The following NAT10 variants were observed in gnomAD, a reference collection of about 807,000 sequenced individuals.
The protein encoded by NAT10 is N-acetyltransferase 10.
In NAT10, 109 loss-of-function variants were observed where a neutral mutation model predicts 132.2. The observed-to-expected ratio is 0.82, with a 90% CI of 0.71 to 0.97. NAT10 has a LOEUF of 0.97. Ranked by LOEUF, NAT10 falls within the 50% of genes least tolerant of loss-of-function variation. The pLI, the probability that NAT10 is intolerant of heterozygous loss-of-function variation, is 0.00. For synonymous variants in NAT10, 479 were observed against 478.0 expected (o/e 1.00, Z -0.03); for missense variants, 1,184 against 1,263.4 (o/e 0.94, Z 0.95).
intron 6 of NAT10, 117 bp from the exon 7 acceptor site, chr11:34,118,063 T>C: frequency 1.3e-6 from 1 of 772,022 alleles, no homozygotes; most frequent in African/African-American, 1.7e-5. Context: ...GGTTTTAGCT[T>C]TTTCTGGCTT....
Position 34,146,294 on chromosome 11 carries a change from A to AGGGG in NAT10, c.*102_*103insGGGG. 1 of 856,896 alleles carries AGGGG rather than the reference A, an allele frequency of 1.2e-6. No homozygotes were observed. Among genetic ancestry groups the AGGGG allele is most frequent in the South Asian group, 1.8e-5 (1 of 54,440 alleles). The allele number at this position is 856,896 out of a possible 1,614,324, so 53.1% of individuals were successfully genotyped here. ...TAAAAGCAACGAGAGGCCCCGGCAC[A>AGGGG]CCTGGAAGCTGGCCGCGAATTCGGC... On this transcript the variant is annotated 3_prime_UTR_variant, in exon 29 of 29. Coordinates refer to ENST00000257829, the MANE Select transcript of NAT10 (RefSeq NM_024662.3).
At position 34,146,778 on chromosome 11, in the gene NAT10, A is replaced by C. The variant is rs1366624270; in HGVS notation, c.*586A>C. ...AAAAGCCTGATCCTGTAGTTTATGT[A>C]GAATGCCACATCTGCGTCCTCAAGA... On this transcript the variant is annotated 3_prime_UTR_variant, in exon 29 of 29. Coordinates refer to ENST00000257829, the MANE Select transcript of NAT10 (RefSeq NM_024662.3). The C allele has an allele frequency of 6.6e-6, 1 of 152,352 alleles. No homozygotes were observed. Among genetic ancestry groups the C allele is most frequent in the Non-Finnish European group, 1.5e-5 (1 of 68,150 alleles). The allele number at this position is 152,352 out of a possible 1,614,324, so 9.4% of individuals were successfully genotyped here.
At position 34,108,724 on chromosome 11, in the gene NAT10, G is replaced by A. The variant is rs1565105233; in HGVS notation, c.109-18G>A. On this transcript the variant is annotated intron_variant, in intron 2 of 28. Coordinates refer to ENST00000257829, the MANE Select transcript of NAT10 (RefSeq NM_024662.3). ...GTCTCTTTTGTGCCTGAAATTCTGT[G>A]ACTTTTTTGTTTGGCAGGTGGTAAT... is the stretch of plus-strand genomic sequence containing the variant. The A allele has an allele frequency of 3.7e-6, 6 of 1,602,056 alleles. No individual in the cohort carries two copies. Among genetic ancestry groups the A allele is most frequent in the Non-Finnish European group, 4.3e-6 (5 of 1,175,878 alleles).
At chr11:34,125,837 G>A (rs1002079282) in intron 11 of NAT10, among the ~76,000 whole-genome samples, 5 of 152,232 alleles carry the variant, frequency 3.3e-5, no homozygotes, top group Admixed American at 2.0e-4. Flanking sequence ...GGTGGCATGC[G>A]CCTGCAATCC....
intron 5 of NAT10, among the ~76,000 whole-genome samples, chr11:34,115,415 C>T (rs773886536): frequency 2.4e-4 from 37 of 152,232 alleles, no homozygotes; most frequent in Middle Eastern, 6.8e-3. Context: ...ACTTGCTATC[C>T]GTGCAGTCTA....
intron 12 of NAT10, among the ~76,000 whole-genome samples, chr11:34,128,029 G>A (rs1852030274): frequency 1.3e-5 from 2 of 151,884 alleles, no homozygotes; most frequent in Admixed American, 6.6e-5. Context: ...TTTAGTGTTG[G>A]CTATTGAAAA....
intron 21 of NAT10, 86 bp downstream of exon 21, chr11:34,137,112 T>C (rs1430348029): frequency 7.0e-7 from 1 of 1,425,378 alleles, no homozygotes; most frequent in Non-Finnish European, 9.9e-7. Context: ...CCCTAGTGCC[T>C]CCCTGCTGCA....
In NAT10 at chr11:34,136,889, C is replaced by T. The variant is rs942792155; in HGVS notation, c.2163-89C>T. On this transcript the variant is annotated intron_variant, in intron 20 of 28. Transcript: ENST00000257829. Reference sequence around the variant, plus strand: ...ATCGGTGCTAGCCTGCTATTTGTGGCGTGCTCTTCCTGGCTCTTGCCCTTG... The same window carrying T: ...ATCGGTGCTAGCCTGCTATTTGTGGTGTGCTCTTCCTGGCTCTTGCCCTTG... 2.9e-5 allele frequency: 47 copies of T among 1,608,014 alleles called. No homozygotes were observed. The East Asian group carries it at 3.1e-4, about 11-fold the overall frequency.
Position 34,127,569 on chromosome 11 carries a change from A to G in NAT10, c.1214A>G (p.Tyr405Cys). 1 of 1,613,430 alleles carries G rather than the reference A, an allele frequency of 6.2e-7. No individual in the cohort carries two copies. Among genetic ancestry groups the G allele is most frequent in the East Asian group, 2.2e-5 (1 of 44,858 alleles). The change falls in exon 12 of 29, where the codon TAC becomes TGC. Residue 405 changes from tyrosine to cysteine, a missense_variant. Transcript: ENST00000257829. Reference sequence around the variant, plus strand: ...TTGGTGAAGAGCCTACTTGGCCCCTACCTTGTTTTCATGGCATCCACCATC... The same window carrying G: ...TTGGTGAAGAGCCTACTTGGCCCCTGCCTTGTTTTCATGGCATCCACCATC... ...LPLVKSLLGP[Y>C]LVFMASTING...
chr11:34,120,991 G>T (rs115947957), intron 8 of NAT10, among the ~76,000 whole-genome samples: 82 of 152,284 alleles, frequency 5.4e-4, no homozygotes, highest in African/African-American at 1.9e-3. Context: ...TGGGGGAGGG[G>T]TGTCCCTCCG....
chr11:34,145,880 G>A (rs2982611), intron 28 of NAT10, among the ~76,000 whole-genome samples: 151,056 of 152,270 alleles, frequency 0.99, 74,936 homozygotes, highest in East Asian at 1. Flanking sequence ...CAGGGCAGGA[G>A]CTGGTCTGTA....
chr11:34,119,804 T>TC (rs1851855793), intron 8 of NAT10, among the ~76,000 whole-genome samples: 1 of 152,196 alleles, frequency 6.6e-6, no homozygotes, highest in Non-Finnish European at 1.5e-5. Flanking sequence ...TTCCAGCATT[T>TC]CCACTGTTAG....
chr11:34,140,478 TG>T lies in NAT10; in HGVS notation c.2500del (p.Asp834ThrfsTer8). On this transcript the variant is annotated frameshift_variant, in exon 24 of 29. Transcript: ENST00000257829. LOFTEE classifies it high-confidence loss of function. ...CTGGAGATGTATTCACGGAATATGG[TG>T]GACTATCACCTCATCATGGACATGA... Reference protein sequence around the residue: ...KRLEMYSRNMVDYHLIMDMIP... With the variant: ...KRLEMYSRNMXDYHLIMDMIP... The T allele has an allele frequency of 1.2e-6, 2 of 1,614,176 alleles. No individual in the cohort carries two copies. Among genetic ancestry groups the T allele is most frequent in the South Asian group, 2.2e-5 (2 of 91,084 alleles).
chr11:34,140,362 G>T lies in NAT10; in HGVS notation c.2420-38G>T. On this transcript the variant is annotated intron_variant, in intron 23 of 28. Coordinates refer to ENST00000257829, the MANE Select transcript of NAT10 (RefSeq NM_024662.3). The stretch of plus-strand genomic sequence containing the variant: ...TGTGTGCTATCTCATGAGGGCGCCG[G>T]GTGACCTAACCTGTCTAGCTCTCTA... 3 of 1,587,126 alleles carry T rather than the reference G, an allele frequency of 1.9e-6. No homozygotes were observed. In the South Asian group the frequency reaches 3.4e-5, roughly 18 times the overall value.
chr11:34,136,351 G>A (rs1290084409), intron 19 of NAT10, among the ~76,000 whole-genome samples: 1 of 152,132 alleles, frequency 6.6e-6, no homozygotes, highest in South Asian at 2.1e-4. Flanking sequence ...CAAAGTGCTG[G>A]GATTACAGGC....
chr11:34,135,808 C>G (rs1346311855), intron 19 of NAT10, among the ~76,000 whole-genome samples: 1 of 152,034 alleles, frequency 6.6e-6, no homozygotes, highest in East Asian at 1.9e-4. Context: ...ACAAAAAATA[C>G]AAAAATTAGC....
chr11:34,131,381 C>A lies in NAT10; in HGVS notation c.1370C>A (p.Ala457Glu). Residue 457 changes from alanine (A) to glutamate (E), a missense_variant and splice_region_variant, in exon 14 of 29, where the codon GCG becomes GAG. Coordinates refer to ENST00000257829, the MANE Select transcript of NAT10 (RefSeq NM_024662.3). ...KTTTTARLAS[A>E]RTLYEVSLQE... The stretch of plus-strand genomic sequence containing the variant: ...TTGTGTGTGTGATTGTGGGGAGCAG[C>A]GCGGACACTGTATGAGGTTTCCCTC... 6.2e-7 allele frequency: 1 copy of A among 1,611,996 alleles called. No homozygotes were observed. Among genetic ancestry groups the A allele is most frequent in the East Asian group, 2.2e-5 (1 of 44,856 alleles).
At chr11:34,141,324 C>T in intron 25 of NAT10, 116 bp downstream of exon 25, 2 of 1,052,448 alleles carry the variant, frequency 1.9e-6, no homozygotes, top group Non-Finnish European at 2.6e-6. Flanking sequence ...CATCTCGTCA[C>T]ACACACACAC....
intron 3 of NAT10, among the ~76,000 whole-genome samples, chr11:34,109,240 C>T (rs1288084503): frequency 6.6e-6 from 1 of 152,112 alleles, no homozygotes; most frequent in Admixed American, 6.6e-5. Flanking sequence ...TGTCTCCTCC[C>T]TCACCTCTTT....
Sources: gnomAD v4.1 joint callset for allele counts (sites outside exome capture counted in the v4.1 genomes callset) on GRCh38, gnomAD v4.1.1 for gene constraint, MANE v1.5 for transcripts, NCBI Gene and HGNC (gene_info 2026-07-23, HGNC 2026-07-21) for gene names.